Variants in SIGLEC10 observed in about 807,000 individuals in gnomAD.
SIGLEC10 encodes the protein sialic acid binding Ig like lectin 10.
Under a neutral mutation model 68.3 loss-of-function variants are expected in SIGLEC10, and 45 were observed. The observed-to-expected ratio is 0.66, with a 90% confidence interval of 0.52 to 0.84. SIGLEC10 has a LOEUF of 0.84. Ranked by LOEUF, SIGLEC10 falls within the 40% of genes least tolerant of loss-of-function variation. The pLI is 0.00. For missense variants in SIGLEC10, 789 were observed against 883.1 expected, an observed-to-expected ratio of 0.89 and a Z score of 1.35; for synonymous variants, 379 against 370.8, an observed-to-expected ratio of 1.02 and a Z score of -0.26.
At chr19:51,412,033 C>T (rs960833158) in intron 10 of SIGLEC10, among the ~76,000 whole-genome samples, 1 of 151,718 alleles carries the variant, frequency 6.6e-6, no homozygotes, top group African/African-American at 2.4e-5. Flanking sequence ...ATCCCAGCTA[C>T]TCAGGAGGCT....
intron 5 of SIGLEC10, 45 bp downstream of exon 5, chr19:51,415,853 C>T (rs1468395440): frequency 2.5e-6 from 4 of 1,610,820 alleles, no homozygotes; most frequent in Admixed American, 1.7e-5. Context: ...CCCTGTATCC[C>T]TCTGCCCTCC....
At position 51,411,429 on chromosome 19, in the gene SIGLEC10, C is replaced by T. The variant is rs1191346249; in HGVS notation, c.1822-58G>A. On this transcript the variant is annotated intron_variant, in intron 10 of 10. Coordinates refer to ENST00000339313, the MANE Select transcript of SIGLEC10 (RefSeq NM_033130.5). ...ATTCAGCAAATATTTGAGCACTTAC[C>T]ACGCGTCGGGCACTGATTTACAGCA... is the stretch of plus-strand genomic sequence containing the variant. 2.9e-5 allele frequency: 47 copies of T among 1,594,374 alleles called. No individual in the cohort carries two copies. The South Asian group carries it at 4.4e-4, about 15-fold the overall frequency.
chr19:51,414,991 A>C lies in SIGLEC10; in HGVS notation c.1448T>G (p.Leu483Arg). The C allele has an allele frequency of 1.2e-6, 2 of 1,612,774 alleles. No individual in the cohort carries two copies. Among genetic ancestry groups the C allele is most frequent in the Non-Finnish European group, 1.7e-6 (2 of 1,179,820 alleles). ...SLRWWLGEEL[L>R]EGNSSQDSFE... ...GGAGTCCTGGCTGCTGTTCCCCTCC[A>C]GCAGCTCCTCCCCAAGCCACCAGCG... is the stretch of plus-strand genomic sequence containing the variant. Residue 483 changes from leucine (L) to arginine (R), a missense_variant, in exon 8 of 11, where the codon CTG becomes CGG. Physicochemically the swap from Leu to Arg is moderately radical, Grantham distance 102 (BLOSUM62 -2). Transcript: ENST00000339313. This position sits in a 1 kb window ranked among gnomAD's most constrained non-coding sequence, Gnocchi z 4.1.
At position 51,416,763 on chromosome 19, in the gene SIGLEC10, C is replaced by T. The variant is rs780414009; in HGVS notation, c.609G>A (p.Thr203=). 6.1e-5 allele frequency: 98 copies of T among 1,614,054 alleles called. No homozygotes were observed. Among genetic ancestry groups the T allele is most frequent in the Non-Finnish European group, 7.6e-5 (90 of 1,180,038 alleles). The change falls in exon 3 of 11, where the codon ACG becomes ACA. Residue 203 remains threonine (T), a synonymous_variant. Transcript: ENST00000339313. ...CGGTGTTGTGGTCCTGGGGTCTGGGCGTGAAGCTGAGCACTGAGAAGTGGG... is the reference window on the plus strand; with the variant it reads ...CGGTGTTGTGGTCCTGGGGTCTGGGTGTGAAGCTGAGCACTGAGAAGTGGG... The part of the protein sequence containing the change: ...TTSHFSVLSF[T]PRPQDHNTDL...
In SIGLEC10 at chr19:51,415,443, G is replaced by A; in HGVS notation, c.1073-5C>T. Reference sequence around the variant, plus strand: ...CGTTCCCAAGGTTTTCCAGGACTAGGGAAGGAAGAGGCAGAATCGATGAGC... The same window carrying A: ...CGTTCCCAAGGTTTTCCAGGACTAGAGAAGGAAGAGGCAGAATCGATGAGC... On this transcript the variant is annotated splice_polypyrimidine_tract_variant and splice_region_variant and intron_variant, in intron 6 of 10. Coordinates refer to ENST00000339313, the MANE Select transcript of SIGLEC10 (RefSeq NM_033130.5). The A allele has an allele frequency of 6.2e-7, 1 of 1,607,052 alleles. No individual in the cohort carries two copies. Among genetic ancestry groups the A allele is most frequent in the South Asian group, 1.1e-5 (1 of 90,618 alleles).
chr19:51,413,574 G>A lies in SIGLEC10; in HGVS notation c.1821+138C>T, dbSNP rs138711975. The A allele has an allele frequency of 1.2e-4, 87 of 717,504 alleles. No homozygotes were observed. In the Middle Eastern group the frequency reaches 1.6e-3, roughly 13 times the overall value. The allele number at this position is 717,504 out of a possible 1,614,324, so 44.4% of individuals were successfully genotyped here. On this transcript the variant is annotated intron_variant, in intron 10 of 10. Transcript: ENST00000339313. ...GTGGCTGAGGTCTCATAGCTAGTAAGTGCCAGGCAGGATTTGAATTCAGAA... is the reference window on the plus strand; with the variant it reads ...GTGGCTGAGGTCTCATAGCTAGTAAATGCCAGGCAGGATTTGAATTCAGAA...
chr19:51,415,187 C>T lies in SIGLEC10; in HGVS notation c.1324G>A (p.Val442Met), dbSNP rs776499845. The T allele has an allele frequency of 1.7e-5, 27 of 1,605,170 alleles. No homozygotes were observed. Among genetic ancestry groups the T allele is most frequent in the East Asian group, 1.1e-4 (5 of 44,870 alleles). ...TCCCCTTTCCCCCACTCACAGTGCACGGAGAGGCTGAGAGAGACGTGCTGG... is the reference window on the plus strand; with the variant it reads ...TCCCCTTTCCCCCACTCACAGTGCATGGAGAGGCTGAGAGAGACGTGCTGG... ...GSQHVSLSLS[V>M]HYSPKLLGPS... The change falls in exon 7 of 11, where the codon GTG (valine) becomes ATG (methionine). Residue 442 changes from valine (V) to methionine (M), a missense_variant. Coordinates refer to ENST00000339313, the MANE Select transcript of SIGLEC10 (RefSeq NM_033130.5).
At position 51,417,535 on chromosome 19, in the gene SIGLEC10, GC is replaced by G. The variant is rs1294466155; in HGVS notation, c.37+9del. 1.9e-6 allele frequency: 3 copies of G among 1,614,092 alleles called. No individual in the cohort carries two copies. The highest frequency in any genetic ancestry group is 2.5e-6 in the Non-Finnish European group (3 of 1,180,032). The stretch of plus-strand genomic sequence containing the variant: ...CGCCCCAGGTCCTTTCCGGCCCTTG[GC>G]CCACTCACCGCCCAGCAGCGAGGAC... On this transcript the variant is annotated intron_variant, in intron 1 of 10. Coordinates refer to ENST00000339313, the MANE Select transcript of SIGLEC10 (RefSeq NM_033130.5).
rs1410018134 is a variant in SIGLEC10, at chr19:51,410,915, C to T, written c.*184G>A. On this transcript the variant is annotated 3_prime_UTR_variant, in exon 11 of 11. Coordinates refer to ENST00000339313, the MANE Select transcript of SIGLEC10 (RefSeq NM_033130.5). ...CTGCCCACCTCAACCTCCCAAAGTG[C>T]TGGGATTACAGGCGTGAGCCACTGT... 1.5e-6 allele frequency: 1 copy of T among 671,496 alleles called. No individual in the cohort carries two copies. Among genetic ancestry groups the T allele is most frequent in the Non-Finnish European group, 2.4e-6 (1 of 418,616 alleles). The allele number at this position is 671,496 out of a possible 1,614,324, so 41.6% of individuals were successfully genotyped here.
rs1396740421 is a variant in SIGLEC10 at position 51,413,571 on chromosome 19, T to A, written c.1821+141A>T. ...GACGTGGCTGAGGTCTCATAGCTAG[T>A]AAGTGCCAGGCAGGATTTGAATTCA... On this transcript the variant is annotated intron_variant, in intron 10 of 10. Coordinates refer to ENST00000339313, the MANE Select transcript of SIGLEC10 (RefSeq NM_033130.5). The A allele has an allele frequency of 2.7e-5, 19 of 693,696 alleles. No individual in the cohort carries two copies. The Admixed American group carries it at 5.0e-4, about 18-fold the overall frequency. The allele number at this position is 693,696 out of a possible 1,614,324, so 43.0% of individuals were successfully genotyped here.
chr19:51,417,266 A>T lies in SIGLEC10; in HGVS notation c.237T>A (p.Ser79Arg). Residue 79 changes from serine (S) to arginine (R), a missense_variant, in exon 2 of 11, where the codon AGT becomes AGA. Coordinates refer to ENST00000339313, the MANE Select transcript of SIGLEC10 (RefSeq NM_033130.5). The stretch of plus-strand genomic sequence containing the variant: ...CCCGGGTGCTCATTTCCACCTCTCG[A>T]CTCTGGTGGTTTGTGGCCACAGGAG... The part of the protein sequence containing the change: ...KGAPVATNHQ[S>R]REVEMSTRGR... 4 of 1,613,832 alleles carry T rather than the reference A, an allele frequency of 2.5e-6. No homozygotes were observed. Among genetic ancestry groups the T allele is most frequent in the Non-Finnish European group, 3.4e-6 (4 of 1,179,946 alleles).
Position 51,410,307 on chromosome 19 carries a change from C to T in SIGLEC10, c.*792G>A, listed in dbSNP as rs1987893050. 6.6e-6 allele frequency: 1 copy of T among 152,216 alleles called. No individual in the cohort carries two copies. The highest frequency in any genetic ancestry group is 1.5e-5 in the Non-Finnish European group (1 of 68,054). 9.4% of individuals were successfully genotyped at this position (152,216 alleles called of 1,614,324 possible). A position where few individuals can be genotyped will look rare whatever the true frequency, so the allele number is the denominator to read the frequency against. On this transcript the variant is annotated 3_prime_UTR_variant, in exon 11 of 11. Coordinates refer to ENST00000339313, the MANE Select transcript of SIGLEC10 (RefSeq NM_033130.5). ...CTTGGTTTTGGTGGGATTTGGTTGG[C>T]TTCTTTACTGCAATCTGTTTTATCA...
Position 51,414,704 on chromosome 19 carries a change from A to C in SIGLEC10, c.1615+120T>G. 6.6e-7 allele frequency: 1 copy of C among 1,504,900 alleles called. No homozygotes were observed. Among genetic ancestry groups the C allele is most frequent in the Non-Finnish European group, 9.1e-7 (1 of 1,093,560 alleles). The allele number at this position is 1,504,900 out of a possible 1,614,324, so 93.2% of individuals were successfully genotyped here. ...GACTTCCCATTGTGTTTTCCTGTCT[A>C]CATACAGATGCCACGGGTCTGCTGT... On this transcript the variant is annotated intron_variant, in intron 8 of 10. Coordinates refer to ENST00000339313, the MANE Select transcript of SIGLEC10 (RefSeq NM_033130.5). The surrounding 1 kb of genome is among the most constrained non-coding windows in gnomAD (Gnocchi z 4.1).
chr19:51,416,931 A>G lies in SIGLEC10; in HGVS notation c.441T>C (p.Asp147=). 2 of 1,612,938 alleles carry G rather than the reference A, an allele frequency of 1.2e-6. No homozygotes were observed. Among genetic ancestry groups the G allele is most frequent in the Middle Eastern group, 1.7e-4 (1 of 6,056 alleles). ...LKVTALTQKP[D]VYIPETLEPG... ...GCTCCAGGGTCTCGGGGATGTAGACATCAGGCTTCTGAGTCAGGGCTGGGA... is the reference window on the plus strand; with the variant it reads ...GCTCCAGGGTCTCGGGGATGTAGACGTCAGGCTTCTGAGTCAGGGCTGGGA... The change falls in exon 3 of 11, where the codon GAT becomes GAC. Residue 147 remains aspartate (D), a synonymous_variant. Transcript: ENST00000339313.
At position 51,411,238 on chromosome 19, in the gene SIGLEC10, G is replaced by T. The variant is rs760732679; in HGVS notation, c.1955C>A (p.Ser652Tyr). ...QLPSFPEPKS[S>Y]TQAPESQESQ... ...CTCCTGGGATTCTGGGGCTTGAGTG[G>T]ATGATTTGGGTTCTGGGAAACTGGG... is the stretch of plus-strand genomic sequence containing the variant. Residue 652 changes from serine to tyrosine, a missense_variant, in exon 11 of 11, where the codon TCC becomes TAC. Coordinates refer to ENST00000339313, the MANE Select transcript of SIGLEC10 (RefSeq NM_033130.5). The T allele has an allele frequency of 6.2e-7, 1 of 1,614,120 alleles. No homozygotes were observed. The highest frequency in any genetic ancestry group is 2.2e-5 in the East Asian group (1 of 44,864).
rs755975941 is a variant in SIGLEC10, at chr19:51,415,240, G to A, written c.1271C>T (p.Thr424Ile). 9.9e-6 allele frequency: 16 copies of A among 1,614,024 alleles called. No homozygotes were observed. Among genetic ancestry groups the A allele is most frequent in the Non-Finnish European group, 1.4e-5 (16 of 1,179,918 alleles). Residue 424 changes from threonine to isoleucine, a missense_variant, in exon 7 of 11, where the codon ACC becomes ATC. Transcript: ENST00000339313. ...GCCCAGTGGGTGCCGAGCGTGGCAG[G>A]TGAACTCTCCTTCGTGCTCCACTTG... is the stretch of plus-strand genomic sequence containing the variant. ...RVQVEHEGEF[T>I]CHARHPLGSQ...
At position 51,417,407 on chromosome 19, in the gene SIGLEC10, C is replaced by G. The variant is rs571577019; in HGVS notation, c.96G>C (p.Pro32=). 6.2e-7 allele frequency: 1 copy of G among 1,614,164 alleles called. No homozygotes were observed. Among genetic ancestry groups the G allele is most frequent in the South Asian group, 1.1e-5 (1 of 91,074 alleles). Residue 32 remains proline, a synonymous_variant, in exon 2 of 11, where the codon CCG becomes CCC. Transcript: ENST00000339313. ...AGGGCACAGAGATGCACAGGCCCTC[C>G]GGCACCATCACTGACTCCTGCACTC... ...WIRVQESVMV[P]EGLCISVPCS...
At chr19:51,411,809 G>A (rs1988037715) in intron 10 of SIGLEC10, among the ~76,000 whole-genome samples, 1 of 152,054 alleles carries the variant, frequency 6.6e-6, no homozygotes, top group South Asian at 2.1e-4. Flanking sequence ...CTGCGCCACT[G>A]CACTCCAGCC....
chr19:51,412,932 T>C (rs1988155622), intron 10 of SIGLEC10, among the ~76,000 whole-genome samples: 1 of 152,076 alleles, frequency 6.6e-6, no homozygotes, highest in African/African-American at 2.4e-5. Flanking sequence ...CACACCCGGC[T>C]AATTTTTTAT....
Sources: allele counts gnomAD v4.1 joint callset (sites outside exome capture counted in the v4.1 genomes callset), GRCh38; gene constraint gnomAD v4.1.1; non-coding constraint Gnocchi (gnomAD v3.1); transcripts MANE v1.5; gene names NCBI Gene and HGNC (gene_info 2026-07-23, HGNC 2026-07-21).